PCDH15: variants seen among roughly 807,000 people sequenced by gnomAD.
PCDH15 encodes the protein protocadherin related 15.
A neutral mutation model predicts 178.5 loss-of-function variants in PCDH15; 129 were observed. The ratio of observed to expected loss-of-function variants is 0.72; its 90% confidence interval spans 0.63 to 0.84. The LOEUF (loss-of-function observed/expected upper bound fraction) is 0.84. Among genes scored for constraint, PCDH15 ranks in the 40% least tolerant of loss-of-function variants. PCDH15 has a pLI of 0.00. For synonymous variants in PCDH15, 800 were observed against 732.0 expected, an observed-to-expected ratio of 1.09 and a Z score of -1.50; for missense variants, 2,230 against 2,099.9, an observed-to-expected ratio of 1.06 and a Z score of -1.21.
intron 1 of PCDH15, among the ~76,000 whole-genome samples, chr10:54,691,783 G>T (rs2095125260): frequency 6.6e-6 from 1 of 152,044 alleles, no homozygotes; most frequent in Admixed American, 6.6e-5. Context: ...CTTTGGAGAG[G>T]ATATCCTATG....
At chr10:55,544,176 T>TATATATATATATA (rs1841829381) in intron 2 of PCDH15, among the ~76,000 whole-genome samples, 1 of 90,878 alleles carries the variant, frequency 1.1e-5, no homozygotes, top group Non-Finnish European at 2.6e-5. Flanking sequence ...ATATATATAT[T>TATATATATATATA]ATACTGACAG....
chr10:54,555,947 C>T (rs745579537), intron 2 of PCDH15, among the ~76,000 whole-genome samples: 1 of 144,508 alleles, frequency 6.9e-6, no homozygotes, highest in Non-Finnish European at 1.5e-5. Context: ...CCTCCATCTA[C>T]ACTTGCCCTC....
At chr10:54,468,816 T>C (rs995393386) in intron 3 of PCDH15, among the ~76,000 whole-genome samples, 5 of 152,200 alleles carry the variant, frequency 3.3e-5, no homozygotes, top group African/African-American at 9.6e-5. Flanking sequence ...TTGTTTTATA[T>C]GTCTGGGTGC....
At chr10:54,420,617 A>C (rs1482209751) in intron 3 of PCDH15, among the ~76,000 whole-genome samples, 7 of 152,076 alleles carry the variant, frequency 4.6e-5, no homozygotes, top group Admixed American at 3.9e-4. Context: ...CAAGTTCTTA[A>C]GAGATCCCTT....
intron 8 of PCDH15, among the ~76,000 whole-genome samples, chr10:54,244,036 T>C (rs1388972381): frequency 6.6e-6 from 1 of 152,196 alleles, no homozygotes; most frequent in Non-Finnish European, 1.5e-5. Flanking sequence ...TATATAATTA[T>C]GATTCATGAA....
chr10:55,471,871 A>T (rs1307826617), intron 2 of PCDH15, among the ~76,000 whole-genome samples: 5 of 152,132 alleles, frequency 3.3e-5, no homozygotes, highest in Admixed American at 3.3e-4. Context: ...TTTTGCTGTA[A>T]CCTGGGGATC....
intron 3 of PCDH15, among the ~76,000 whole-genome samples, chr10:54,388,572 T>G (rs569870948): frequency 6.6e-6 from 1 of 152,258 alleles, no homozygotes; most frequent in East Asian, 1.9e-4. Flanking sequence ...CTACTAGCCG[T>G]TATCTGAGAA....
At chr10:54,558,255 T>C (rs2087575884) in intron 2 of PCDH15, among the ~76,000 whole-genome samples, 1 of 152,140 alleles carries the variant, frequency 6.6e-6, no homozygotes, top group Admixed American at 6.6e-5. Context: ...TATTGTTTGC[T>C]TCAAAAATAT....
At chr10:54,571,026 T>C (rs938212920) in intron 2 of PCDH15, among the ~76,000 whole-genome samples, 8 of 152,012 alleles carry the variant, frequency 5.3e-5, no homozygotes, top group Non-Finnish European at 5.9e-5. Context: ...CCTTGGATTG[T>C]GTGTATCCAA....
intron 19 of PCDH15, 143 bp from the exon 20 acceptor site, chr10:54,020,559 A>G (rs758850025): frequency 4.6e-5 from 37 of 809,310 alleles, no homozygotes; most frequent in Non-Finnish European, 6.9e-5. Context: ...TGTTTTTTAA[A>G]AAAGCACATT....
chr10:55,217,489 A>G (rs2243569), intron 1 of PCDH15, among the ~76,000 whole-genome samples: 143,272 of 151,850 alleles, frequency 0.94, 67,623 homozygotes, highest in Admixed American at 0.95. Flanking sequence ...AAAATGAAAG[A>G]TTCTATTATT....
At chr10:55,614,071 G>C (rs1412703871) in intron 2 of PCDH15, among the ~76,000 whole-genome samples, 1 of 150,706 alleles carries the variant, frequency 6.6e-6, no homozygotes, top group East Asian at 2.0e-4. Context: ...CTGAGATCGT[G>C]CCACTGCAAT....
chr10:55,052,382 C>A (rs1048748947), intron 2 of PCDH15, among the ~76,000 whole-genome samples: 1 of 151,156 alleles, frequency 6.6e-6, no homozygotes, highest in Admixed American at 6.6e-5. Context: ...GCCACCGTAC[C>A]CGGCCAAGAA....
At chr10:54,016,221 C>G (rs1343703948) in intron 20 of PCDH15, among the ~76,000 whole-genome samples, 1 of 151,138 alleles carries the variant, frequency 6.6e-6, no homozygotes, top group South Asian at 2.1e-4. Flanking sequence ...CAATGAGATA[C>G]CATCTCACAC....
chr10:55,348,199 A>G (rs1037619531), intron 2 of PCDH15, among the ~76,000 whole-genome samples: 9 of 152,182 alleles, frequency 5.9e-5, no homozygotes, highest in African/African-American at 9.6e-5. Context: ...AATTCAATTT[A>G]AAAAATACAA....
intron 2 of PCDH15, among the ~76,000 whole-genome samples, chr10:55,139,407 T>C (rs1038105615): frequency 5.3e-5 from 8 of 152,180 alleles, no homozygotes; most frequent in African/African-American, 1.7e-4. Context: ...TAAAGTCTTA[T>C]AGTTTTGTAT....
At chr10:54,436,009 G>C (rs1158623959) in intron 3 of PCDH15, among the ~76,000 whole-genome samples, 1 of 56,514 alleles carries the variant, frequency 1.8e-5, no homozygotes, top group African/African-American at 1.0e-4. Context: ...AAGAAGAGGA[G>C]AGGAGAGGAG....
At chr10:54,620,613 G>A (rs1364069634) in intron 2 of PCDH15, among the ~76,000 whole-genome samples, 1 of 152,042 alleles carries the variant, frequency 6.6e-6, no homozygotes, top group African/African-American at 2.4e-5. Context: ...TGCGAAAGCT[G>A]AGCAATACAT....
At chr10:54,472,530 T>G (rs749522959) in intron 3 of PCDH15, among the ~76,000 whole-genome samples, 23 of 152,154 alleles carry the variant, frequency 1.5e-4, no homozygotes, top group Admixed American at 8.5e-4. Flanking sequence ...CAACAGAAAT[T>G]CCTTTAATAA....
Sources: gnomAD v4.1 joint callset for allele counts (sites outside exome capture counted in the v4.1 genomes callset) on GRCh38, gnomAD v4.1.1 for gene constraint, MANE v1.5 for transcripts, NCBI Gene and HGNC (gene_info 2026-07-23, HGNC 2026-07-21) for gene names.